Variants in YME1L1 observed in about 807,000 individuals in gnomAD.
YME1L1 encodes YME1 like 1 ATPase.
Under a neutral mutation model 90.4 loss-of-function variants are expected in YME1L1, and 39 were observed. That is an observed-to-expected ratio of 0.43 (90% CI 0.33 to 0.56). The LOEUF (loss-of-function observed/expected upper bound fraction) is 0.56, where lower values mean the gene tolerates loss of function less well. Among genes scored for constraint, YME1L1 ranks in the 20% least tolerant of loss-of-function variants. The pLI, the probability that YME1L1 is intolerant of heterozygous loss-of-function variation, is 0.03. For missense variants in YME1L1, 617 were observed against 868.4 expected (o/e 0.71, Z 3.64); for synonymous variants, 284 against 287.3 (o/e 0.99, Z 0.12).
At chr10:27,147,657 A>G (rs1246279670) in intron 2 of YME1L1, 1 of 1,551,076 alleles carries the variant, frequency 6.4e-7, no homozygotes, top group Admixed American at 2.0e-5. Flanking sequence ...TCAGGAAGTC[A>G]CTGAACATAC....
intron 2 of YME1L1, chr10:27,147,765 C>A: frequency 6.7e-7 from 1 of 1,494,730 alleles, no homozygotes; most frequent in Non-Finnish European, 9.0e-7. Context: ...TGGCTCCTGT[C>A]AATTGTGCAG....
At chr10:27,132,780 AC>A (rs1449204118) in intron 7 of YME1L1, among the ~76,000 whole-genome samples, 4 of 152,162 alleles carry the variant, frequency 2.6e-5, no homozygotes, top group Non-Finnish European at 4.4e-5. Flanking sequence ...AGATTGCCCC[AC>A]TGCACTCCAG....
intron 1 of YME1L1, among the ~76,000 whole-genome samples, chr10:27,153,937 G>A (rs1278633271): frequency 6.7e-6 from 1 of 149,438 alleles, no homozygotes; most frequent in African/African-American, 2.4e-5. Flanking sequence ...GATAAGCCAG[G>A]GTCTCTCTCT....
Position 27,120,430 on chromosome 10 carries a change from C to T in YME1L1, c.1411+5G>A, listed in dbSNP as rs1431604783. The T allele has an allele frequency of 1.3e-6, 2 of 1,598,630 alleles. No homozygotes were observed. Among genetic ancestry groups the T allele is most frequent in the Non-Finnish European group, 1.7e-6 (2 of 1,166,852 alleles). ...GAAATGACAAATGTTTGTTTTGATA[C>T]TTACATTGATCAAACTTTATTTTAT... On this transcript the variant is annotated splice_donor_5th_base_variant and intron_variant, in intron 13 of 18. Coordinates refer to ENST00000376016, the MANE Select transcript of YME1L1 (RefSeq NM_014263.4).
chr10:27,143,420 C>T (rs768223889), intron 3 of YME1L1, among the ~76,000 whole-genome samples: 2 of 151,588 alleles, frequency 1.3e-5, no homozygotes, highest in African/African-American at 2.4e-5. Flanking sequence ...GTGTTTAAGG[C>T]CAGGCGCGGT....
At chr10:27,118,976 G>A (rs1359828072) in intron 14 of YME1L1, among the ~76,000 whole-genome samples, 2 of 152,116 alleles carry the variant, frequency 1.3e-5, no homozygotes, top group African/African-American at 2.4e-5. Flanking sequence ...ACTTTTTAAA[G>A]CTTTCCAGTC....
In YME1L1 at chr10:27,142,465, T is replaced by C; in HGVS notation, c.352A>G (p.Thr118Ala). ...CGATACAAGCAAGAGGAACGTAATG[T>C]ACTAAATATATCTAAGTTACCTGGA... Reference protein sequence around the residue: ...NKYGNLDIFSTLRSSCLYRHH... With the variant: ...NKYGNLDIFSALRSSCLYRHH... Residue 118 changes from threonine (T) to alanine (A), a missense_variant, in exon 4 of 19, where the codon ACA (threonine) becomes GCA (alanine). Physicochemically the swap from Thr to Ala is moderately conservative, Grantham distance 58. This residue lies in a region of YME1L1 where 311 missense variants were observed against 335.8 expected (regional missense o/e 0.93). Coordinates refer to ENST00000376016, the MANE Select transcript of YME1L1 (RefSeq NM_014263.4). 2.0e-6 allele frequency: 3 copies of C among 1,480,142 alleles called. No homozygotes were observed. Among genetic ancestry groups the C allele is most frequent in the Non-Finnish European group, 2.7e-6 (3 of 1,113,290 alleles). The allele number at this position is 1,480,142 out of a possible 1,614,324, so 91.7% of individuals were successfully genotyped here.
intron 17 of YME1L1, 104 bp downstream of exon 17, chr10:27,115,956 G>T: frequency 9.9e-7 from 1 of 1,013,824 alleles, no homozygotes; most frequent in Non-Finnish European, 1.5e-6. Flanking sequence ...TCCATTTGGA[G>T]TGAGAGAAAA....
rs774129898 is a variant in YME1L1 at position 27,114,561 on chromosome 10, G to C, written c.1967C>G (p.Thr656Ser). The change falls in exon 18 of 19, where the codon ACC (threonine) becomes AGC (serine). Residue 656 changes from threonine (T) to serine (S), a missense_variant. Physicochemically the swap from Thr to Ser is moderately conservative, Grantham distance 58 (BLOSUM62 1). Coordinates refer to ENST00000376016, the MANE Select transcript of YME1L1 (RefSeq NM_014263.4). ...TATTTCTTGTTCGATGGCAGATTGG[G>C]TTTCTGGACTTAGTTTCCCTGTATC... ...YSDTGKLSPETQSAIEQEIRI... is the reference protein window; with the variant it reads ...YSDTGKLSPESQSAIEQEIRI... 8.7e-6 allele frequency: 14 copies of C among 1,613,742 alleles called. No individual in the cohort carries two copies. The East Asian group carries it at 3.1e-4, about 36-fold the overall frequency.
intron 9 of YME1L1, among the ~76,000 whole-genome samples, chr10:27,124,012 T>C (rs1044343320): frequency 1.3e-5 from 2 of 152,174 alleles, no homozygotes; most frequent in Non-Finnish European, 2.9e-5. Context: ...TAAAAATAGA[T>C]TAAAAGACTA....
chr10:27,116,394 T>A (rs2056813314), intron 15 of YME1L1, 49 bp from the exon 16 acceptor site: 2 of 1,601,860 alleles, frequency 1.2e-6, no homozygotes, highest in African/African-American at 1.3e-5. Flanking sequence ...AGAGGCTGGG[T>A]GCGGTGGCTC....
In YME1L1 at chr10:27,119,425, C is replaced by A. The variant is rs1402828702; in HGVS notation, c.1436G>T (p.Arg479Leu). The change falls in exon 14 of 19, where the codon CGA becomes CTA. Residue 479 changes from arginine (R) to leucine (L), a missense_variant. Transcript: ENST00000376016. ...TGCTCCGGAAAAGCCAACAGTACCT[C>A]GAGCTATAATTTCTGGATCAACGGC... is the stretch of plus-strand genomic sequence containing the variant. ...DQSVDPEIIARGTVGFSGAEL... is the reference protein window; with the variant it reads ...DQSVDPEIIALGTVGFSGAEL... 6.2e-7 allele frequency: 1 copy of A among 1,610,942 alleles called. No individual in the cohort carries two copies. Among genetic ancestry groups the A allele is most frequent in the Non-Finnish European group, 8.5e-7 (1 of 1,178,922 alleles).
chr10:27,154,007 C>T (rs997797904), intron 1 of YME1L1, among the ~76,000 whole-genome samples, 171 bp downstream of exon 1: 4 of 152,204 alleles, frequency 2.6e-5, no homozygotes, highest in African/African-American at 9.6e-5. Flanking sequence ...ACTGAAGTCT[C>T]CGGCCCACTC....
intron 2 of YME1L1, among the ~76,000 whole-genome samples, chr10:27,148,352 G>A (rs936539596): frequency 5.3e-5 from 8 of 152,006 alleles, no homozygotes; most frequent in African/African-American, 1.7e-4. Flanking sequence ...ACAGGCGCAC[G>A]CCACCACACC....
At chr10:27,121,518 C>T in intron 11 of YME1L1, 70 bp from the exon 12 acceptor site, 2 of 1,140,894 alleles carry the variant, frequency 1.8e-6, no homozygotes, top group Non-Finnish European at 2.6e-6. Flanking sequence ...ATGCTCTACA[C>T]AAAACTGGTT....
At position 27,114,508 on chromosome 10, in the gene YME1L1, A is replaced by G; in HGVS notation, c.2007+13T>C. The stretch of plus-strand genomic sequence containing the variant: ...TTCCTAAGAAAATAAATAAGCACAA[A>G]AAATATTATTACCCTTAGAAGGATT... On this transcript the variant is annotated intron_variant, in intron 18 of 18. Coordinates refer to ENST00000376016, the MANE Select transcript of YME1L1 (RefSeq NM_014263.4). 6.3e-7 allele frequency: 1 copy of G among 1,598,748 alleles called. No individual in the cohort carries two copies. The highest frequency in any genetic ancestry group is 8.5e-7 in the Non-Finnish European group (1 of 1,174,304).
At chr10:27,151,158 G>C (rs990998871) in intron 1 of YME1L1, among the ~76,000 whole-genome samples, 1 of 152,012 alleles carries the variant, frequency 6.6e-6, no homozygotes, top group Non-Finnish European at 1.5e-5. Context: ...TCCTGACCTC[G>C]TGATCCGCTC....
chr10:27,136,302 G>A lies in YME1L1; in HGVS notation c.514C>T (p.Gln172Ter). 1 of 1,613,590 alleles carries A rather than the reference G, an allele frequency of 6.2e-7. No homozygotes were observed. The highest frequency in any genetic ancestry group is 1.7e-5 in the Admixed American group (1 of 59,894). Residue 172 changes from glutamine to a stop codon, truncating the protein, a stop_gained, in exon 5 of 19, where the codon CAG becomes TAG. Transcript: ENST00000376016. LOFTEE classifies it high-confidence loss of function. The stretch of plus-strand genomic sequence containing the variant: ...TTCACGAATGATGGCGCTATATTCT[G>A]TGTTTCAGCTAATCTCTCGGAGGTA... ...QSTSERLAETQNIAPSFVKGF... is the reference protein window; with the variant it reads ...QSTSERLAET
chr10:27,147,451 C>CA, intron 2 of YME1L1: 1 of 1,614,090 alleles, frequency 6.2e-7, no homozygotes, highest in Non-Finnish European at 8.5e-7. Context: ...GAACGATGGA[C>CA]AAAACAAATC....
Sources: gnomAD v4.1 joint callset for allele counts (sites outside exome capture counted in the v4.1 genomes callset) on GRCh38, gnomAD v4.1.1 for gene constraint, gnomAD v4.1.1 regional missense constraint, MANE v1.5 for transcripts, NCBI Gene and HGNC (gene_info 2026-07-23, HGNC 2026-07-21) for gene names.